RNF183: variants seen among roughly 807,000 people sequenced by gnomAD.
RNF183 encodes the protein E3 ubiquitin-protein ligase RNF183.
Under a neutral mutation model 9.0 loss-of-function variants are expected in RNF183, and 4 were observed. The ratio of observed to expected loss-of-function variants is 0.44; its 90% CI spans 0.22 to 1.01. The LOEUF (loss-of-function observed/expected upper bound fraction) is 1.01. RNF183 is among the 50% of genes least tolerant of loss of function. The probability of loss-of-function intolerance (pLI) is 0.25; values close to 1 mark genes in which losing one functional copy is unlikely to be tolerated. For missense variants in RNF183, 227 were observed against 253.6 expected (o/e 0.89, Z 0.71); for synonymous variants, 102 against 107.5 (o/e 0.95, Z 0.32).
Position 113,297,391 on chromosome 9 carries a change from A to G in RNF183, c.*215T>C, listed in dbSNP as rs1832751567. On this transcript the variant is annotated 3_prime_UTR_variant, in exon 5 of 5. Coordinates refer to ENST00000489339, the MANE Select transcript of RNF183 (RefSeq NM_001371237.1). ...TCTGCCCTTCCATGACGCCACACTCACACCCGGAGGTCGCTCCACATCTCC... is the reference window on the plus strand; with the variant it reads ...TCTGCCCTTCCATGACGCCACACTCGCACCCGGAGGTCGCTCCACATCTCC... 1.3e-5 allele frequency: 5 copies of G among 397,950 alleles called. No individual in the cohort carries two copies. Among genetic ancestry groups the G allele is most frequent in the Non-Finnish European group, 2.3e-5 (5 of 218,712 alleles). The allele number at this position is 397,950 out of a possible 1,614,324, so 24.7% of individuals were successfully genotyped here. A position where few individuals can be genotyped will look rare whatever the true frequency, so the allele number is the denominator to read the frequency against.
At position 113,297,556 on chromosome 9, in the gene RNF183, A is replaced by G. The variant is rs534893040; in HGVS notation, c.*50T>C. The G allele has an allele frequency of 2.3e-6, 3 of 1,296,580 alleles. No homozygotes were observed. The highest frequency in any genetic ancestry group is 4.3e-5 in the Admixed American group (2 of 46,538). 80.3% of individuals were successfully genotyped at this position (1,296,580 alleles called of 1,614,324 possible). ...TACCAAATGAGGCTCCGTAGTCACC[A>G]TACCCAGCAGCAACCGAAAAAGGTT... On this transcript the variant is annotated 3_prime_UTR_variant, in exon 5 of 5. Coordinates refer to ENST00000489339, the MANE Select transcript of RNF183 (RefSeq NM_001371237.1).
At chr9:113,300,756 A>T in intron 3 of RNF183, among the ~76,000 whole-genome samples, 1 of 152,182 alleles carries the variant, frequency 6.6e-6, no homozygotes, top group East Asian at 1.9e-4. Context: ...GGACCTGTGA[A>T]CTCAGGAGCT....
Position 113,300,675 on chromosome 9 carries a change from A to G in RNF183, c.-241-900T>C, listed in dbSNP as rs11795180. Among the ~76,000 whole-genome samples the G allele has an allele frequency of 1.8e-3, 270 of 152,190 alleles. 2 individuals are homozygous for G. Among genetic ancestry groups the G allele is most frequent in the Non-Finnish European group, 2.8e-3 (192 of 67,990 alleles). ...GTGAGAAAAGCTCTTCCAATTTGAG[A>G]AAGTGAAAGGAGCCCAGGGTGATCA... On this transcript the variant is annotated intron_variant, in intron 3 of 4. Coordinates refer to ENST00000489339, the MANE Select transcript of RNF183 (RefSeq NM_001371237.1).
chr9:113,300,867 G>A (rs1564277525), intron 3 of RNF183, among the ~76,000 whole-genome samples: 1 of 152,214 alleles, frequency 6.6e-6, no homozygotes, highest in Non-Finnish European at 1.5e-5. Flanking sequence ...GACAGGCTGA[G>A]AGGGATAAGA....
Position 113,298,405 on chromosome 9 carries a change from TC to T in RNF183, c.-37-185del. ...AGTTGAGTCAAATGCTCCTACAGCC[TC>T]CCCTCTGTCAAGGTGAAGGCCTGGG... On this transcript the variant is annotated intron_variant, in intron 4 of 4. Transcript: ENST00000489339. The surrounding 1 kb of genome is among the most constrained non-coding windows in gnomAD (Gnocchi z 4.9). The T allele has an allele frequency of 1.8e-6, 1 of 560,576 alleles. No homozygotes were observed. The allele number at this position is 560,576 out of a possible 1,614,324, so 34.7% of individuals were successfully genotyped here.
In RNF183 at chr9:113,297,762, C is replaced by T. The variant is rs373063171; in HGVS notation, c.423G>A (p.Thr141=). 8.0e-5 allele frequency: 129 copies of T among 1,613,590 alleles called. No homozygotes were observed. The highest frequency in any genetic ancestry group is 5.9e-4 in the African/African-American group (44 of 74,784). ...AGTGGTGGCTGGGGATGAGGATGGG[C>T]GTAGACACGGTGGCAGAGGCCGTGT... The part of the protein sequence containing the change: ...PPDTASATVS[T]PILIPSHHSL... The change falls in exon 5 of 5, where the codon ACG becomes ACA. Residue 141 remains threonine (T), a synonymous_variant. Coordinates refer to ENST00000489339, the MANE Select transcript of RNF183 (RefSeq NM_001371237.1).
chr9:113,302,645 G>A (rs1162262497), intron 1 of RNF183, among the ~76,000 whole-genome samples: 2 of 152,154 alleles, frequency 1.3e-5, no homozygotes, highest in Non-Finnish European at 2.9e-5. Flanking sequence ...TGAATGGGGA[G>A]TAGAAAGGTG....
intron 3 of RNF183, among the ~76,000 whole-genome samples, chr9:113,300,516 T>G (rs936528954): frequency 6.6e-6 from 1 of 152,040 alleles, no homozygotes; most frequent in Admixed American, 6.6e-5. Flanking sequence ...TGGTGGCTGC[T>G]CCCAATGAGA....
intron 1 of RNF183, among the ~76,000 whole-genome samples, chr9:113,302,807 G>C (rs7860625): frequency 6.6e-6 from 1 of 152,062 alleles, no homozygotes; most frequent in Admixed American, 6.5e-5. Context: ...AGTAGAATAC[G>C]GAAGGCGCTC....
At position 113,298,775 on chromosome 9, in the gene RNF183, T is replaced by G. The variant is rs559019447; in HGVS notation, c.-37-554A>C. The G allele has an allele frequency of 6.5e-6, 1 of 152,790 alleles. No homozygotes were observed. The highest frequency in any genetic ancestry group is 1.5e-5 in the Non-Finnish European group (1 of 68,428). 9.5% of individuals were successfully genotyped at this position (152,790 alleles called of 1,614,324 possible). ...GTCCTTGGCCTGGCAAGGAAGCCCC[T>G]GGAAAGGCCTTTCTCCTTACCTGGA... On this transcript the variant is annotated intron_variant, in intron 4 of 4. Coordinates refer to ENST00000489339, the MANE Select transcript of RNF183 (RefSeq NM_001371237.1). The surrounding 1 kb of genome is among the most constrained non-coding windows in gnomAD (Gnocchi z 4.9).
intron 3 of RNF183, among the ~76,000 whole-genome samples, chr9:113,300,084 C>T (rs1049406184): frequency 2.0e-5 from 3 of 152,180 alleles, no homozygotes; most frequent in Admixed American, 6.6e-5. Flanking sequence ...TCCCTAGAGC[C>T]CCTGATATGA....
At position 113,298,325 on chromosome 9, in the gene RNF183, G is replaced by A. The variant is rs745359021; in HGVS notation, c.-37-104C>T. Reference sequence around the variant, plus strand: ...GGGTGTTGAAAGGTGTAATCACCACGTTTTACTTAGGTTCAAAAGCGTTTT... The same window carrying A: ...GGGTGTTGAAAGGTGTAATCACCACATTTTACTTAGGTTCAAAAGCGTTTT... On this transcript the variant is annotated intron_variant, in intron 4 of 4. Coordinates refer to ENST00000489339, the MANE Select transcript of RNF183 (RefSeq NM_001371237.1). The surrounding 1 kb of genome is among the most constrained non-coding windows in gnomAD (Gnocchi z 4.9). 7 of 691,834 alleles carry A rather than the reference G, an allele frequency of 1.0e-5. No individual in the cohort carries two copies. The highest frequency in any genetic ancestry group is 1.8e-5 in the South Asian group (1 of 55,114). The allele number at this position is 691,834 out of a possible 1,614,324, so 42.9% of individuals were successfully genotyped here.
chr9:113,297,522 G>C lies in RNF183; in HGVS notation c.*84C>G. On this transcript the variant is annotated 3_prime_UTR_variant, in exon 5 of 5. Transcript: ENST00000489339. ...ATTGTAAAATAAACAACACTACAAAGGAAGACAATACCAAATGAGGCTCCG... is the reference window on the plus strand; with the variant it reads ...ATTGTAAAATAAACAACACTACAAACGAAGACAATACCAAATGAGGCTCCG... 3.5e-6 allele frequency: 3 copies of C among 868,498 alleles called. No homozygotes were observed. The highest frequency in any genetic ancestry group is 5.4e-6 in the Non-Finnish European group (3 of 552,432). The allele number at this position is 868,498 out of a possible 1,614,324, so 53.8% of individuals were successfully genotyped here.
rs1350382561 is a variant in RNF183 at position 113,299,708 on chromosome 9, A to G, written c.-174T>C. ...CACTCCAGCCCAGCTTCTCCGTTTC[A>G]ACCAGAAATACTTGGCTTTTCTCTG... On this transcript the variant is annotated 5_prime_UTR_variant, in exon 4 of 5. The change abolishes the stop of an existing upstream ORF in the 5' untranslated region. Coordinates refer to ENST00000489339, the MANE Select transcript of RNF183 (RefSeq NM_001371237.1). 1 of 152,234 alleles carries G rather than the reference A, an allele frequency of 6.6e-6. No individual in the cohort carries two copies. Among genetic ancestry groups the G allele is most frequent in the Non-Finnish European group, 1.5e-5 (1 of 68,046 alleles). The allele number at this position is 152,234 out of a possible 1,614,324, so 9.4% of individuals were successfully genotyped here.
chr9:113,297,622 A>C lies in RNF183; in HGVS notation c.563T>G (p.Leu188Arg), dbSNP rs1459615242. 6.2e-7 allele frequency: 1 copy of C among 1,600,880 alleles called. No homozygotes were observed. Among genetic ancestry groups the C allele is most frequent in the South Asian group, 1.1e-5 (1 of 88,928 alleles). The change falls in exon 5 of 5, where the codon CTT (leucine) becomes CGT (arginine). Residue 188 changes from leucine (L) to arginine (R), a missense_variant. Leu to Arg is a moderately radical substitution (Grantham distance 102). Transcript: ENST00000489339. ...GAACAGCACTCACCCCACACCCCAA[A>C]GGAACTGCTTGGTCCAAAAGATGGA... ...IFSIFWTKQF[L>R]WGVG
chr9:113,301,975 A>G (rs1020637932), intron 2 of RNF183: 1 of 152,152 alleles, frequency 6.6e-6, no homozygotes, highest in Non-Finnish European at 1.5e-5. Flanking sequence ...CAACAAAACC[A>G]TATTACCATA....
chr9:113,297,824 C>A lies in RNF183; in HGVS notation c.361G>T (p.Gly121Cys). Residue 121 changes from glycine (G) to cysteine (C), a missense_variant, in exon 5 of 5, where the codon GGC becomes TGC. Physicochemically the swap from Gly to Cys is radical, Grantham distance 159 (BLOSUM62 -3). Coordinates refer to ENST00000489339, the MANE Select transcript of RNF183 (RefSeq NM_001371237.1). ...CCAGTCTGGCCCCCAGGCTGGGGGCCAAGGTCCAGCGTGTAGACTTGAGGC... is the reference window on the plus strand; with the variant it reads ...CCAGTCTGGCCCCCAGGCTGGGGGCAAAGGTCCAGCGTGTAGACTTGAGGC... Reference protein sequence around the residue: ...RQPQVYTLDLGPQPGGQTGPP... With the variant: ...RQPQVYTLDLCPQPGGQTGPP... 6.2e-7 allele frequency: 1 copy of A among 1,610,382 alleles called. No individual in the cohort carries two copies. Among genetic ancestry groups the A allele is most frequent in the Non-Finnish European group, 8.5e-7 (1 of 1,178,010 alleles).
In RNF183 at chr9:113,298,376, A is replaced by G. The variant is rs772708809; in HGVS notation, c.-37-155T>C. On this transcript the variant is annotated intron_variant, in intron 4 of 4. Coordinates refer to ENST00000489339, the MANE Select transcript of RNF183 (RefSeq NM_001371237.1). The surrounding 1 kb of genome is among the most constrained non-coding windows in gnomAD (Gnocchi z 4.9). Reference sequence around the variant, plus strand: ...GTTCTTGATCACCAGTTCCTAACCCATCGAGTTGAGTCAAATGCTCCTACA... The same window carrying G: ...GTTCTTGATCACCAGTTCCTAACCCGTCGAGTTGAGTCAAATGCTCCTACA... The G allele has an allele frequency of 2.4e-5, 14 of 592,278 alleles. No homozygotes were observed. The highest frequency in any genetic ancestry group is 4.2e-5 in the Non-Finnish European group (14 of 334,528). The allele number at this position is 592,278 out of a possible 1,614,324, so 36.7% of individuals were successfully genotyped here.
chr9:113,299,772 T>A lies in RNF183; in HGVS notation c.-238A>T, dbSNP rs1409985198. The stretch of plus-strand genomic sequence containing the variant: ...TCATTCGAATAATTTGAAGAGTTGA[T>A]CTGCTGGGGAAAAGAAAAAGTTTAA... On this transcript the variant is annotated 5_prime_UTR_variant, in exon 4 of 5. Coordinates refer to ENST00000489339, the MANE Select transcript of RNF183 (RefSeq NM_001371237.1). 1 of 152,162 alleles carries A rather than the reference T, an allele frequency of 6.6e-6. No individual in the cohort carries two copies. Among genetic ancestry groups the A allele is most frequent in the Admixed American group, 6.5e-5 (1 of 15,268 alleles). The allele number at this position is 152,162 out of a possible 1,614,324, so 9.4% of individuals were successfully genotyped here. A position where few individuals can be genotyped will look rare whatever the true frequency, so the allele number is the denominator to read the frequency against.
Sources: gnomAD v4.1 joint callset for allele counts (sites outside exome capture counted in the v4.1 genomes callset) on GRCh38, gnomAD v4.1.1 for gene constraint, Gnocchi (gnomAD v3.1) non-coding constraint, MANE v1.5 for transcripts, NCBI Gene and HGNC (gene_info 2026-07-23, HGNC 2026-07-21) for gene names.